The following MPDZ variants were observed in gnomAD, a reference collection of about 807,000 sequenced individuals.
MPDZ encodes multiple PDZ domain protein.
A neutral mutation model predicts 239.1 loss-of-function variants in MPDZ; 234 were observed. That is an observed-to-expected ratio of 0.98 (90% CI 0.88 to 1.09). The LOEUF (loss-of-function observed/expected upper bound fraction) is 1.09. Among genes scored for constraint, MPDZ ranks in the 50% least tolerant of loss-of-function variants. MPDZ has a pLI of 0.00. For missense variants in MPDZ, 3,175 were observed against 2,510.0 expected, an observed-to-expected ratio of 1.26 and a Z score of -5.66; for synonymous variants, 1,048 against 881.3, an observed-to-expected ratio of 1.19 and a Z score of -3.35.
chr9:13,256,577 G>A (rs1969496691), intron 1 of MPDZ, among the ~76,000 whole-genome samples: 2 of 152,188 alleles, frequency 1.3e-5, no homozygotes, highest in East Asian at 1.9e-4. Flanking sequence ...CTGTGTCAGG[G>A]AATAGAGAGG....
At chr9:13,142,246 A>C (rs1587180248) in intron 27 of MPDZ, among the ~76,000 whole-genome samples, 1 of 152,110 alleles carries the variant, frequency 6.6e-6, no homozygotes, top group African/African-American at 2.4e-5. Context: ...AAACAAACAA[A>C]CAAAACCTGC....
chr9:13,247,697 G>A lies in MPDZ; in HGVS notation c.121C>T (p.Gln41Ter). ...DKLSLLKSVL[Q>*]SPLFSQILSL... The stretch of plus-strand genomic sequence containing the variant: ...AGAATCTGACTGAAGAGAGGGCTCT[G>A]CAGGACTGACTTCAGAAGGCTCAGT... The change falls in exon 3 of 47, where the codon CAG becomes TAG. Residue 41 changes from glutamine (Q) to a stop codon, truncating the protein, a stop_gained. Transcript: ENST00000319217. LOFTEE classifies it high-confidence loss of function. 1 of 1,613,580 alleles carries A rather than the reference G, an allele frequency of 6.2e-7. No homozygotes were observed. Among genetic ancestry groups the A allele is most frequent in the Non-Finnish European group, 8.5e-7 (1 of 1,179,620 alleles).
intron 45 of MPDZ, 21 bp from the exon 46 acceptor site, chr9:13,109,080 A>G (rs1202645413): frequency 7.3e-7 from 1 of 1,375,268 alleles, no homozygotes; most frequent in East Asian, 2.8e-5. Context: ...GGAAAGGAAA[A>G]AGAGGTTTTA....
rs527668394 is a variant in MPDZ, at chr9:13,159,353, C to T, written c.3360-1243G>A. 2.0e-4 allele frequency among the ~76,000 whole-genome samples: 30 copies of T among 152,192 alleles called. No individual in the cohort carries two copies. The South Asian group carries it at 5.8e-3, about 29-fold the overall frequency. On this transcript the variant is annotated intron_variant, in intron 23 of 46. Transcript: ENST00000319217. ...CTCCTGTGCAATTAAAGAATAACGC[C>T]TCGAATGAGGGTAGGGCTCCTAGAG...
At chr9:13,160,700 T>G (rs1950353659) in intron 23 of MPDZ, among the ~76,000 whole-genome samples, 1 of 151,186 alleles carries the variant, frequency 6.6e-6, no homozygotes, top group Non-Finnish European at 1.5e-5. Flanking sequence ...GCGTCTCCCC[T>G]ATCCCTCGTA....
At chr9:13,178,158 C>T (rs1243007317) in intron 19 of MPDZ, among the ~76,000 whole-genome samples, 1 of 151,170 alleles carries the variant, frequency 6.6e-6, no homozygotes, top group African/African-American at 2.4e-5. Context: ...ACTCAGGAGG[C>T]TGAGGCAGGA....
At chr9:13,252,135 G>A (rs1968203925) in intron 1 of MPDZ, among the ~76,000 whole-genome samples, 1 of 151,994 alleles carries the variant, frequency 6.6e-6, no homozygotes. Flanking sequence ...ATTATTTCAT[G>A]AGGCCTAATA....
At chr9:13,205,512 G>A (rs1186068617) in intron 11 of MPDZ, among the ~76,000 whole-genome samples, 3 of 152,122 alleles carry the variant, frequency 2.0e-5, no homozygotes, top group Non-Finnish European at 2.9e-5. Flanking sequence ...ATTCCTTCAA[G>A]GAAAGGCTGG....
rs975980040 is a variant in MPDZ at position 13,106,144 on chromosome 9, C to T, written c.*821G>A. On this transcript the variant is annotated 3_prime_UTR_variant, in exon 47 of 47. Coordinates refer to ENST00000319217, the MANE Select transcript of MPDZ (RefSeq NM_001378778.1). The stretch of plus-strand genomic sequence containing the variant: ...GTTGTTAAAACCAGCACTAAAGATT[C>T]TGGAACCCTTCTATGTTCCTCTATG... The T allele has an allele frequency of 4.6e-5, 7 of 152,122 alleles. No homozygotes were observed. Among genetic ancestry groups the T allele is most frequent in the African/African-American group, 1.7e-4 (7 of 41,428 alleles). The allele number at this position is 152,122 out of a possible 1,614,324, so 9.4% of individuals were successfully genotyped here.
Position 13,109,947 on chromosome 9 carries a change from C to T in MPDZ, c.5942+5G>A, listed in dbSNP as rs1279695234. 2.5e-6 allele frequency: 4 copies of T among 1,607,164 alleles called. No individual in the cohort carries two copies. Among genetic ancestry groups the T allele is most frequent in the Non-Finnish European group, 3.4e-6 (4 of 1,175,522 alleles). On this transcript the variant is annotated splice_donor_5th_base_variant and intron_variant, in intron 45 of 46. Coordinates refer to ENST00000319217, the MANE Select transcript of MPDZ (RefSeq NM_001378778.1). ...TGATACACTAATCATCATGTATGAA[C>T]TCACCCTAAATCATCCTGAAATATA...
At chr9:13,166,184 G>T (rs1267933235) in intron 22 of MPDZ, among the ~76,000 whole-genome samples, 2 of 152,042 alleles carry the variant, frequency 1.3e-5, no homozygotes, top group Admixed American at 1.3e-4. Flanking sequence ...AAGCTTAATG[G>T]GCCTGAGGCA....
intron 3 of MPDZ, among the ~76,000 whole-genome samples, chr9:13,232,886 G>C (rs541004166): frequency 1.4e-5 from 2 of 145,024 alleles, no homozygotes; most frequent in East Asian, 2.0e-4. Context: ...AAAAAAACCA[G>C]GAACTTCCCA....
intron 12 of MPDZ, among the ~76,000 whole-genome samples, chr9:13,200,050 T>C (rs1006698399): frequency 6.6e-6 from 1 of 152,060 alleles, no homozygotes; most frequent in Non-Finnish European, 1.5e-5. Context: ...AAATGTTTGG[T>C]AGAATTCTGC....
intron 1 of MPDZ, chr9:13,274,404 T>C (rs1312672712): frequency 6.6e-6 from 1 of 152,020 alleles, no homozygotes; most frequent in Non-Finnish European, 1.5e-5. Context: ...TGAATGTTGC[T>C]TTTGCAGACA....
intron 44 of MPDZ, 116 bp downstream of exon 44, chr9:13,110,520 G>C (rs1942271872): frequency 1.3e-6 from 1 of 747,216 alleles, no homozygotes; most frequent in African/African-American, 1.8e-5. Flanking sequence ...ATGTTCAAGA[G>C]AAATATTAAA....
intron 1 of MPDZ, among the ~76,000 whole-genome samples, chr9:13,277,030 G>A (rs1395420119): frequency 1.3e-5 from 2 of 152,158 alleles, no homozygotes; most frequent in Non-Finnish European, 2.9e-5. Flanking sequence ...GAGTCTCTCT[G>A]AATAGCTTCA....
chr9:13,249,530 C>T (rs1220501051), intron 2 of MPDZ, among the ~76,000 whole-genome samples: 1 of 152,084 alleles, frequency 6.6e-6, no homozygotes, highest in Non-Finnish European at 1.5e-5. Flanking sequence ...GTCCTTCTCC[C>T]GTTACTGTCA....
At chr9:13,139,920 T>C in intron 28 of MPDZ, 67 bp downstream of exon 28, 1 of 1,589,412 alleles carries the variant, frequency 6.3e-7, no homozygotes, top group Middle Eastern at 1.7e-4. Context: ...CAGGGCGAAA[T>C]CCTTGAGAAA....
rs199613241 is a variant in MPDZ at position 13,188,792 on chromosome 9, G to T, written c.2356C>A (p.Pro786Thr). 9 of 1,612,782 alleles carry T rather than the reference G, an allele frequency of 5.6e-6. No individual in the cohort carries two copies. The African/African-American group carries it at 1.2e-4, about 22-fold the overall frequency. Reference protein sequence around the residue: ...SGTVRIGVAKPLPLSPEEGYV... With the variant: ...SGTVRIGVAKTLPLSPEEGYV... ...AAAGTCTGAATTCTTACGGGTAAAG[G>T]CTTAGCAACTCCTATTCTCACAGTC... The change falls in exon 17 of 47, where the codon CCT becomes ACT. Residue 786 changes from proline (P) to threonine (T), a missense_variant. By Grantham distance (38) the Pro-to-Thr change is conservative (BLOSUM62 -1). Transcript: ENST00000319217.
Sources: gnomAD v4.1 joint callset for allele counts (sites outside exome capture counted in the v4.1 genomes callset) on GRCh38, gnomAD v4.1.1 for gene constraint, MANE v1.5 for transcripts, NCBI Gene and HGNC (gene_info 2026-07-23, HGNC 2026-07-21) for gene names.